GPM6B: variants seen among roughly 807,000 people sequenced by gnomAD.
GPM6B encodes glycoprotein M6B, also known as neuronal membrane glycoprotein M6-b.
GPM6B carries 4 observed loss-of-function variants against 27.2 expected under a neutral mutation model. That is an observed-to-expected ratio of 0.15 (90% CI 0.07 to 0.34). GPM6B has a LOEUF of 0.34. Among genes scored for constraint, GPM6B ranks in the 10% least tolerant of loss-of-function variants. GPM6B has a pLI of 1.00. For missense variants in GPM6B, 183 were observed against 261.9 expected (o/e 0.70, Z 2.08); for synonymous variants, 124 against 103.1 (o/e 1.20, Z -1.23).
chrX:13,835,472 G>C (rs1383871025), intron 1 of GPM6B, among the ~76,000 whole-genome samples: 1 of 111,309 alleles, frequency 9.0e-6, no homozygotes, highest in Non-Finnish European at 1.9e-5. Flanking sequence ...TTTTTGGGGG[G>C]TGTCCTAGAC....
At chrX:13,912,375 C>T (rs1361624428) in intron 1 of GPM6B, among the ~76,000 whole-genome samples, 1 of 111,575 alleles carries the variant, frequency 9.0e-6, no homozygotes, top group Non-Finnish European at 1.9e-5. Context: ...TAAAGCACTT[C>T]ATACACAGAA....
chrX:13,896,819 C>T (rs1205497054), intron 1 of GPM6B, among the ~76,000 whole-genome samples: 4 of 111,771 alleles, frequency 3.6e-5, no homozygotes, highest in African/African-American at 6.5e-5. Context: ...CCACCTGCCT[C>T]GGCCTCCCAA....
intron 1 of GPM6B, among the ~76,000 whole-genome samples, chrX:13,867,219 C>A (rs986057245): frequency 9.0e-6 from 1 of 111,482 alleles, no homozygotes; most frequent in African/African-American, 3.3e-5. Flanking sequence ...AAGAAATCCT[C>A]CCACCTCAGC....
intron 1 of GPM6B, among the ~76,000 whole-genome samples, chrX:13,915,060 G>A (rs1028519706): frequency 3.8e-5 from 4 of 103,976 alleles, no homozygotes; most frequent in Non-Finnish European, 7.9e-5. Context: ...TTAAGCCCAG[G>A]AGTTCAAGAC....
At chrX:13,859,360 C>T (rs1398822351) in intron 1 of GPM6B, among the ~76,000 whole-genome samples, 6 of 111,973 alleles carry the variant, frequency 5.4e-5, no homozygotes, top group African/African-American at 1.3e-4. Flanking sequence ...CTTCACTTAA[C>T]ATAATGTTTG....
At chrX:13,937,222 G>C (rs1921880908) in intron 1 of GPM6B, among the ~76,000 whole-genome samples, 1 of 111,888 alleles carries the variant, frequency 8.9e-6, no homozygotes, top group Non-Finnish European at 1.9e-5. Flanking sequence ...TTTCCTGTTG[G>C]ATTTGGTGGG....
At chrX:13,891,116 T>G (rs751217009) in intron 1 of GPM6B, among the ~76,000 whole-genome samples, 80 of 110,648 alleles carry the variant, frequency 7.2e-4, no homozygotes, top group African/African-American at 2.5e-3. Flanking sequence ...GTAATTTCAG[T>G]TTTTGCCATT....
chrX:13,775,307 A>G (rs754076385), intron 7 of GPM6B, among the ~76,000 whole-genome samples: 1 of 113,349 alleles, frequency 8.8e-6, no homozygotes, highest in East Asian at 2.8e-4. Context: ...CGCAGTTATT[A>G]GCAGACATGT....
intron 1 of GPM6B, among the ~76,000 whole-genome samples, chrX:13,876,401 C>G (rs185220136): frequency 5.3e-5 from 6 of 112,593 alleles, no homozygotes; most frequent in Admixed American, 2.8e-4. Context: ...GCATCATTAT[C>G]TTCAAAATGG....
chrX:13,815,300 A>T (rs1007851578), intron 1 of GPM6B, among the ~76,000 whole-genome samples: 3 of 112,131 alleles, frequency 2.7e-5, no homozygotes, highest in African/African-American at 9.7e-5. Flanking sequence ...TAAAATCGTG[A>T]TAGGCTTCCT....
chrX:13,813,830 C>T (rs1372125107), intron 1 of GPM6B, among the ~76,000 whole-genome samples: 1 of 112,221 alleles, frequency 8.9e-6, no homozygotes, highest in East Asian at 2.8e-4. Flanking sequence ...AATCTTCACA[C>T]TTTAATGCTT....
intron 1 of GPM6B, among the ~76,000 whole-genome samples, chrX:13,849,088 G>A (rs915094294): frequency 1.8e-5 from 2 of 112,034 alleles, no homozygotes; most frequent in African/African-American, 6.5e-5. Context: ...TAAGCTCATC[G>A]AATTTTACTG....
At chrX:13,937,956 T>G (rs1286877687) in intron 1 of GPM6B, among the ~76,000 whole-genome samples, 1 of 110,462 alleles carries the variant, frequency 9.1e-6, no homozygotes, top group Non-Finnish European at 1.9e-5. Flanking sequence ...CTGTCCAGAG[T>G]CTCTCCTGTC....
intron 1 of GPM6B, among the ~76,000 whole-genome samples, chrX:13,915,442 ATG>A (rs2050419451): frequency 3.6e-5 from 4 of 111,739 alleles, no homozygotes; most frequent in Non-Finnish European, 5.6e-5. Context: ...CTTTGTGGTT[ATG>A]AACACCAACA....
chrX:13,817,055 T>A lies in GPM6B; in HGVS notation c.-151A>T. ...TTCACTACAGTAGATTACAGTCCCT[T>A]CCAAGATGCAAAAGTCTTGTCAGCG... On this transcript the variant is annotated 5_prime_UTR_variant, in exon 1 of 8. Coordinates refer to ENST00000316715, the MANE Select transcript of GPM6B (RefSeq NM_001001995.3). The A allele has an allele frequency of 1.9e-6, 2 of 1,050,141 alleles. No individual in the cohort carries two copies. Among genetic ancestry groups the A allele is most frequent in the Non-Finnish European group, 2.4e-6 (2 of 818,417 alleles). 86.5% of individuals were successfully genotyped at this position (1,050,141 alleles called of 1,213,427 possible).
At chrX:13,873,385 G>C (rs947970507) in intron 1 of GPM6B, among the ~76,000 whole-genome samples, 1 of 110,461 alleles carries the variant, frequency 9.1e-6, no homozygotes, top group African/African-American at 3.3e-5. Context: ...TTCCCAGTTG[G>C]GTAACTTAAG....
intron 1 of GPM6B, among the ~76,000 whole-genome samples, chrX:13,837,198 C>G (rs1237815124): frequency 3.1e-5 from 3 of 96,490 alleles, no homozygotes; most frequent in East Asian, 3.3e-4. Flanking sequence ...GGATATGTAT[C>G]TAGATATCCC....
intron 1 of GPM6B, among the ~76,000 whole-genome samples, chrX:13,873,863 A>G (rs757694194): frequency 8.9e-6 from 1 of 112,286 alleles, no homozygotes; most frequent in Admixed American, 9.4e-5. Context: ...TGTCTGGAGT[A>G]TCATGTCCTT....
At chrX:13,856,702 T>C (rs1213660216) in intron 1 of GPM6B, among the ~76,000 whole-genome samples, 3 of 81,049 alleles carry the variant, frequency 3.7e-5, no homozygotes, top group Non-Finnish European at 5.6e-5. Context: ...ATTTTTTTTT[T>C]TATTATTTTT....
Sources: gnomAD v4.1 joint callset for allele counts (sites outside exome capture counted in the v4.1 genomes callset) on GRCh38, gnomAD v4.1.1 for gene constraint, MANE v1.5 for transcripts, NCBI Gene and HGNC (gene_info 2026-07-23, HGNC 2026-07-21) for gene names.